Variants in MAF observed in about 807,000 individuals in gnomAD.
MAF encodes MAF bZIP transcription factor.
A neutral mutation model predicts 22.0 loss-of-function variants in MAF; 10 were observed. That is an observed-to-expected ratio of 0.45 (90% CI 0.28 to 0.77). The LOEUF (loss-of-function observed/expected upper bound fraction) is 0.77, where lower values mean the gene tolerates loss of function less well. MAF is among the 30% of genes least tolerant of loss of function. The probability of loss-of-function intolerance (pLI) is 0.12; values close to 1 mark genes in which losing one functional copy is unlikely to be tolerated. For synonymous variants in MAF, 337 were observed against 255.8 expected, an observed-to-expected ratio of 1.32 and a Z score of -3.03; for missense variants, 544 against 548.4, an observed-to-expected ratio of 0.99 and a Z score of 0.08.
chr16:79,486,591 G>T, the MAF span, among the ~76,000 whole-genome samples: 3 of 152,170 alleles, frequency 2.0e-5, no homozygotes, highest in African/African-American at 2.4e-5. Flanking sequence ...ATGCTGTTTG[G>T]TTATTGCTCA....
the MAF span, among the ~76,000 whole-genome samples, chr16:79,497,560 G>A: frequency 6.6e-6 from 1 of 152,186 alleles, no homozygotes; most frequent in Non-Finnish European, 1.5e-5. Flanking sequence ...CCAGGAGGAA[G>A]GGATGCCTTT....
chr16:79,211,510 G>C, the MAF span: 3 of 1,507,708 alleles, frequency 2.0e-6, no homozygotes, highest in East Asian at 7.0e-5. Context: ...AACTGAACCA[G>C]GTGGGGGAGG....
At chr16:79,474,370 T>C in the MAF span, among the ~76,000 whole-genome samples, 2 of 152,198 alleles carry the variant, frequency 1.3e-5, 1 homozygote, top group South Asian at 4.1e-4. Context: ...TGAATCCACA[T>C]ATTTCTATCC....
the MAF span, among the ~76,000 whole-genome samples, chr16:79,518,147 G>T: frequency 6.6e-6 from 1 of 152,168 alleles, no homozygotes; most frequent in Non-Finnish European, 1.5e-5. Flanking sequence ...CTCCCATTTG[G>T]CAGGTGAAGA....
At chr16:79,456,185 C>T in the MAF span, among the ~76,000 whole-genome samples, 2 of 152,086 alleles carry the variant, frequency 1.3e-5, no homozygotes, top group Admixed American at 6.6e-5. Flanking sequence ...GCATCCACCC[C>T]GCACAGAGCC....
the MAF span, among the ~76,000 whole-genome samples, chr16:79,448,674 C>T: frequency 0.013 from 2,021 of 152,088 alleles, 53 homozygotes; most frequent in African/African-American, 0.047. Context: ...ATCCACACGC[C>T]TCAACCTCCC....
chr16:79,518,817 CG>C, the MAF span, among the ~76,000 whole-genome samples: 1 of 152,060 alleles, frequency 6.6e-6, no homozygotes, highest in Admixed American at 6.6e-5. Flanking sequence ...CCCAGCCACT[CG>C]GGAGGCTGAG....
At chr16:79,531,113 G>C in the MAF span, among the ~76,000 whole-genome samples, 572 of 152,306 alleles carry the variant, frequency 3.8e-3, 3 homozygotes, top group African/African-American at 0.013. Context: ...TAACTTTCTA[G>C]ATGAAAATCA....
At chr16:79,430,189 A>G in the MAF span, among the ~76,000 whole-genome samples, 146 of 152,208 alleles carry the variant, frequency 9.6e-4, no homozygotes, top group Non-Finnish European at 1.9e-3. Context: ...TGGAAAGGAA[A>G]GAAAGGTAGC....
At chr16:79,235,864 G>A in the MAF span, among the ~76,000 whole-genome samples, 130 of 152,132 alleles carry the variant, frequency 8.5e-4, 2 homozygotes, top group Non-Finnish European at 4.4e-4. Context: ...ACTGATAGTG[G>A]AATTCAGAAG....
the MAF span, among the ~76,000 whole-genome samples, chr16:79,367,841 A>G: frequency 6.6e-6 from 1 of 152,194 alleles, no homozygotes; most frequent in Non-Finnish European, 1.5e-5. Flanking sequence ...TATTTCTTTT[A>G]TTCTGCTTCT....
At chr16:79,491,227 G>A in the MAF span, among the ~76,000 whole-genome samples, 1 of 152,146 alleles carries the variant, frequency 6.6e-6, no homozygotes, top group African/African-American at 2.4e-5. Context: ...AGACTCAAAG[G>A]CACATCAGTA....
chr16:79,320,770 TTAATAAA>T, the MAF span, among the ~76,000 whole-genome samples: 94 of 152,340 alleles, frequency 6.2e-4, no homozygotes, highest in African/African-American at 2.1e-3. Flanking sequence ...GGCTTGGCAC[TTAATAAA>T]TAATGGGTGA....
At chr16:79,203,721 G>C in the MAF span, 3 of 152,272 alleles carry the variant, frequency 2.0e-5, no homozygotes, top group African/African-American at 7.2e-5. Flanking sequence ...GAAGGGAAGG[G>C]AGAAGCTGTT....
chr16:79,315,735 G>C, the MAF span, among the ~76,000 whole-genome samples: 6 of 152,354 alleles, frequency 3.9e-5, no homozygotes, highest in Admixed American at 3.3e-4. Context: ...GAGGGGCAGA[G>C]AAGTAAAAAG....
the MAF span, among the ~76,000 whole-genome samples, chr16:79,268,224 C>G: frequency 4.5e-3 from 683 of 152,272 alleles, 2 homozygotes; most frequent in Non-Finnish European, 7.0e-3. Context: ...CCCTCTCCCC[C>G]ACAAACACCG....
chr16:79,347,148 G>C, the MAF span, among the ~76,000 whole-genome samples: 2 of 152,190 alleles, frequency 1.3e-5, no homozygotes, highest in Non-Finnish European at 2.9e-5. Context: ...TATTTCATTT[G>C]CTAAAATCTG....
the MAF span, among the ~76,000 whole-genome samples, chr16:79,549,109 G>A: frequency 6.6e-6 from 1 of 152,168 alleles, no homozygotes; most frequent in Non-Finnish European, 1.5e-5. Context: ...AGGATTAAAT[G>A]AGCTAATGTA....
chr16:79,323,112 G>A, the MAF span, among the ~76,000 whole-genome samples: 2 of 119,542 alleles, frequency 1.7e-5, no homozygotes, highest in African/African-American at 6.3e-5. Flanking sequence ...ATCAGCCACT[G>A]CATTCCAGCC....
Sources: allele counts gnomAD v4.1 joint callset (sites outside exome capture counted in the v4.1 genomes callset), GRCh38; gene constraint gnomAD v4.1.1; transcripts MANE v1.5; gene names NCBI Gene and HGNC (gene_info 2026-07-23, HGNC 2026-07-21).